The following DNM2 variants were observed in gnomAD, a reference collection of about 807,000 sequenced individuals.
DNM2 encodes the protein dynamin-2.
A neutral mutation model predicts 99.0 loss-of-function variants in DNM2; 15 were observed. The ratio of observed to expected loss-of-function variants is 0.15; its 90% CI spans 0.10 to 0.23. The LOEUF (loss-of-function observed/expected upper bound fraction) is 0.23, where lower values mean the gene tolerates loss of function less well. Ranked by LOEUF, DNM2 falls within the 10% of genes least tolerant of loss-of-function variation. The pLI is 1.00. For missense variants in DNM2, 742 were observed against 1,189.4 expected (o/e 0.62, Z 5.53); for synonymous variants, 525 against 481.2 (o/e 1.09, Z -1.19).
chr19:10,789,937 C>G (rs2071693711), intron 7 of DNM2, among the ~76,000 whole-genome samples: 2 of 152,228 alleles, frequency 1.3e-5, no homozygotes, highest in African/African-American at 4.8e-5. Context: ...AGTCCCTGTC[C>G]CCCGGGGCTT....
chr19:10,721,125 G>A (rs8105939), intron 1 of DNM2, among the ~76,000 whole-genome samples: 12,719 of 151,816 alleles, frequency 0.084, 563 homozygotes, highest in Middle Eastern at 0.11. Context: ...TTCCTGTGGC[G>A]ACCTCCTAGA....
intron 1 of DNM2, among the ~76,000 whole-genome samples, chr19:10,730,295 G>A (rs2069267239): frequency 6.6e-6 from 1 of 152,164 alleles, no homozygotes; most frequent in South Asian, 2.1e-4. Flanking sequence ...TGGGCAACAT[G>A]GTGAGACCTC....
At chr19:10,808,130 G>A (rs2072416485) in intron 13 of DNM2, among the ~76,000 whole-genome samples, 2 of 150,478 alleles carry the variant, frequency 1.3e-5, no homozygotes, top group South Asian at 4.2e-4. Context: ...GCGGCTGAGC[G>A]AGACTCCATA....
At position 10,718,121 on chromosome 19, in the gene DNM2, G is replaced by C. The variant is rs886054139; in HGVS notation, c.-122G>C. On this transcript the variant is annotated 5_prime_UTR_variant, in exon 1 of 21. Transcript: ENST00000389253. ...GCGACCGTGAGGCCGAGCCGGGAGC[G>C]GGCGTCTTGCCGAGGCCCGGGCGGG... 3 of 1,125,550 alleles carry C rather than the reference G, an allele frequency of 2.7e-6. No homozygotes were observed. In the African/African-American group the frequency reaches 4.9e-5, roughly 18 times the overall value. 69.7% of individuals were successfully genotyped at this position (1,125,550 alleles called of 1,614,324 possible). A position where few individuals can be genotyped will look rare whatever the true frequency, so the allele number is the denominator to read the frequency against.
At chr19:10,797,221 GA>G (rs2067787828) in intron 9 of DNM2, among the ~76,000 whole-genome samples, 158 bp from the exon 10 acceptor site, 1 of 151,948 alleles carries the variant, frequency 6.6e-6, no homozygotes, top group African/African-American at 2.4e-5. Flanking sequence ...TCTTTGATCC[GA>G]AGCAGCTTCC....
intron 1 of DNM2, among the ~76,000 whole-genome samples, chr19:10,734,230 C>A (rs1051561788): frequency 6.6e-5 from 10 of 151,328 alleles, no homozygotes; most frequent in Non-Finnish European, 1.0e-4. Flanking sequence ...GTAGTCCCAG[C>A]CACTCGGGAG....
chr19:10,802,542 G>C, intron 12 of DNM2, 184 bp downstream of exon 12: 1 of 706,568 alleles, frequency 1.4e-6, no homozygotes, highest in Non-Finnish European at 2.5e-6. Context: ...GTGGTCCACT[G>C]TCCCCAACCA....
chr19:10,821,719 C>T (rs769200346), intron 16 of DNM2, among the ~76,000 whole-genome samples: 53 of 152,096 alleles, frequency 3.5e-4, no homozygotes, highest in Non-Finnish European at 5.9e-4. Flanking sequence ...TTAGTAGAGA[C>T]GGGGTTTCTC....
In DNM2 at chr19:10,764,464, G is replaced by A. The variant is rs79761651; in HGVS notation, c.235+4653G>A. ...CATTACCTAAGACCATAACCACCAG[G>A]AAGTTTGGTGGCCCATGAGTGAACC... On this transcript the variant is annotated intron_variant, in intron 2 of 20. Transcript: ENST00000389253. The surrounding 1 kb of genome is among the most constrained non-coding windows in gnomAD (Gnocchi z 4.1). Among the ~76,000 whole-genome samples, 488 of 152,316 alleles carry A rather than the reference G, an allele frequency of 3.2e-3. 1 individual carries two copies. Among genetic ancestry groups the A allele is most frequent in the African/African-American group, 0.011 (473 of 41,560 alleles).
intron 4 of DNM2, 30 bp from the exon 5 acceptor site, chr19:10,777,088 C>T: frequency 1.2e-6 from 2 of 1,612,032 alleles, no homozygotes; most frequent in Non-Finnish European, 8.5e-7. Context: ...TGGTGGCAGC[C>T]TCTGACCTCT....
At chr19:10,813,381 T>C (rs1415164380) in intron 15 of DNM2, among the ~76,000 whole-genome samples, 6 of 152,184 alleles carry the variant, frequency 3.9e-5, no homozygotes, top group Non-Finnish European at 8.8e-5. Flanking sequence ...AGATACATAA[T>C]GTTTGACATA....
At chr19:10,767,779 G>C (rs551367718) in intron 2 of DNM2, among the ~76,000 whole-genome samples, 1 of 152,134 alleles carries the variant, frequency 6.6e-6, no homozygotes, top group African/African-American at 2.4e-5. Context: ...GGTGGCATGC[G>C]CCTATAATCC....
chr19:10,777,057 C>T (rs1339518376), intron 4 of DNM2, 61 bp from the exon 5 acceptor site: 10 of 1,579,248 alleles, frequency 6.3e-6, no homozygotes, highest in Middle Eastern at 1.7e-4. Context: ...TGGCTTGCAG[C>T]TGCCAGCTGA....
At chr19:10,756,931 C>T (rs1440082990) in intron 1 of DNM2, among the ~76,000 whole-genome samples, 1 of 152,186 alleles carries the variant, frequency 6.6e-6, no homozygotes, top group Admixed American at 6.5e-5. Context: ...CCTCCTGCTC[C>T]TGCCCTCTCC....
chr19:10,788,528 G>C (rs962618628), intron 7 of DNM2, among the ~76,000 whole-genome samples: 11 of 152,192 alleles, frequency 7.2e-5, no homozygotes, highest in African/African-American at 2.4e-4. Flanking sequence ...GACTGACTCA[G>C]GTGCTCACAG....
chr19:10,786,026 T>C (rs1005466657), intron 6 of DNM2, among the ~76,000 whole-genome samples: 1 of 152,096 alleles, frequency 6.6e-6, no homozygotes, highest in Non-Finnish European at 1.5e-5. Context: ...TCTCGATCTC[T>C]TGATCTTAAG....
chr19:10,739,872 A>AT (rs2069679262), intron 1 of DNM2, among the ~76,000 whole-genome samples: 1 of 151,032 alleles, frequency 6.6e-6, no homozygotes. Context: ...AAAAAAAAAA[A>AT]AAAAAAAAAA....
In DNM2 at chr19:10,775,756, G is replaced by A. The variant is rs370086632; in HGVS notation, c.439G>A (p.Asp147Asn). The A allele has an allele frequency of 5.6e-6, 9 of 1,613,906 alleles. No homozygotes were observed. Among genetic ancestry groups the A allele is most frequent in the South Asian group, 3.3e-5 (3 of 91,058 alleles). ...GGGTATCACCAAGGTGCCTGTGGGC[G>A]ACCAGCCTCCAGACATCGAGTACCA... ...LPGITKVPVGDQPPDIEYQIK... is the reference protein window; with the variant it reads ...LPGITKVPVGNQPPDIEYQIK... The change falls in exon 4 of 21, where the codon GAC becomes AAC. Residue 147 changes from aspartate to asparagine, a missense_variant. Coordinates refer to ENST00000389253, the MANE Select transcript of DNM2 (RefSeq NM_001005361.3). This position sits in a 1 kb window ranked among gnomAD's most constrained non-coding sequence, Gnocchi z 4.3.
chr19:10,759,727 C>T lies in DNM2; in HGVS notation c.162-11C>T. 2 of 1,614,170 alleles carry T rather than the reference C, an allele frequency of 1.2e-6. No homozygotes were observed. The highest frequency in any genetic ancestry group is 2.2e-5 in the South Asian group (2 of 91,084). On this transcript the variant is annotated splice_polypyrimidine_tract_variant and intron_variant, in intron 1 of 20. Transcript: ENST00000389253. ...GCAAGAGTAATTTCTGTCCCTCTCC[C>T]CCCCTCACAGGGACTTCCTTCCCCG...
Sources: allele counts gnomAD v4.1 joint callset (sites outside exome capture counted in the v4.1 genomes callset), GRCh38; gene constraint gnomAD v4.1.1; non-coding constraint Gnocchi (gnomAD v3.1); transcripts MANE v1.5; gene names NCBI Gene and HGNC (gene_info 2026-07-23, HGNC 2026-07-21).